The following MPPED1 variants were observed in gnomAD, a reference collection of about 807,000 sequenced individuals.
The protein encoded by MPPED1 is metallophosphoesterase domain containing 1, also known as metallophosphoesterase domain-containing protein 1.
A neutral mutation model predicts 36.2 loss-of-function variants in MPPED1; 16 were observed. The observed-to-expected ratio is 0.44, with a 90% CI of 0.30 to 0.67. MPPED1 has a LOEUF of 0.67. MPPED1 is among the 30% of genes least tolerant of loss of function. The probability of loss-of-function intolerance (pLI) is 0.10; values close to 1 mark genes in which losing one functional copy is unlikely to be tolerated. For missense variants in MPPED1, 307 were observed against 453.4 expected, an observed-to-expected ratio of 0.68 and a Z score of 2.93; for synonymous variants, 199 against 191.3, an observed-to-expected ratio of 1.04 and a Z score of -0.33.
At chr22:43,495,220 G>A (rs1436140521) in intron 4 of MPPED1, among the ~76,000 whole-genome samples, 1 of 147,786 alleles carries the variant, frequency 6.8e-6, no homozygotes, top group Non-Finnish European at 1.5e-5. Flanking sequence ...AAGTGGAGGT[G>A]GTGGTGGTGG....
intron 3 of MPPED1, among the ~76,000 whole-genome samples, chr22:43,471,382 T>C (rs933352245): frequency 2.0e-5 from 3 of 152,106 alleles, no homozygotes; most frequent in African/African-American, 7.2e-5. Flanking sequence ...AGGGGCTCGA[T>C]GAGGGGTCTG....
At chr22:43,504,034 T>C (rs1215717777) in intron 6 of MPPED1, among the ~76,000 whole-genome samples, 4 of 151,944 alleles carry the variant, frequency 2.6e-5, no homozygotes, top group Admixed American at 1.3e-4. Flanking sequence ...TACATGACAA[T>C]GATGATAATG....
At chr22:43,492,615 G>T (rs2146906826) in intron 4 of MPPED1, among the ~76,000 whole-genome samples, 1 of 152,298 alleles carries the variant, frequency 6.6e-6, no homozygotes, top group Middle Eastern at 3.4e-3. Flanking sequence ...CACAGGCCTG[G>T]GGGCAGATCC....
intron 6 of MPPED1, among the ~76,000 whole-genome samples, chr22:43,504,572 GTGA>G (rs760492961): frequency 1.1e-4 from 17 of 151,644 alleles, no homozygotes; most frequent in Admixed American, 5.9e-4. Flanking sequence ...GATGGCATTG[GTGA>G]TGATGATGTT....
At chr22:43,444,468 A>G (rs1362337237) in intron 3 of MPPED1, among the ~76,000 whole-genome samples, 2 of 150,042 alleles carry the variant, frequency 1.3e-5, no homozygotes, top group African/African-American at 4.9e-5. Flanking sequence ...CCGGGTTCAA[A>G]TGATTCTCCT....
At chr22:43,501,289 T>C (rs1932726493) in intron 5 of MPPED1, among the ~76,000 whole-genome samples, 1 of 152,178 alleles carries the variant, frequency 6.6e-6, no homozygotes, top group Non-Finnish European at 1.5e-5. Flanking sequence ...TCTTGTTCTC[T>C]TCCTTCTCTT....
At chr22:43,505,028 A>G (rs1932780979) in intron 6 of MPPED1, among the ~76,000 whole-genome samples, 1 of 151,948 alleles carries the variant, frequency 6.6e-6, no homozygotes, top group African/African-American at 2.4e-5. Context: ...AACAGTGAAG[A>G]TGATGATAAG....
At chr22:43,503,421 T>C (rs889933237) in intron 6 of MPPED1, among the ~76,000 whole-genome samples, 2 of 152,208 alleles carry the variant, frequency 1.3e-5, no homozygotes, top group African/African-American at 4.8e-5. Context: ...AGGAAGCATA[T>C]TGGCTGCTGT....
At chr22:43,412,423 G>C (rs1296277153) in intron 1 of MPPED1, among the ~76,000 whole-genome samples, 1 of 152,234 alleles carries the variant, frequency 6.6e-6, no homozygotes, top group East Asian at 1.9e-4. Flanking sequence ...CTTTTCCCTT[G>C]CTCGCCAGTC....
intron 1 of MPPED1, among the ~76,000 whole-genome samples, chr22:43,420,994 T>C (rs751297050): frequency 2.6e-5 from 4 of 152,186 alleles, no homozygotes; most frequent in Admixed American, 2.0e-4. Flanking sequence ...TAGTTCCATT[T>C]TGGGGAGGCA....
At chr22:43,498,000 CAG>C (rs1184849154) in intron 4 of MPPED1, among the ~76,000 whole-genome samples, 10 of 143,516 alleles carry the variant, frequency 7.0e-5, no homozygotes, top group African/African-American at 2.7e-4. Flanking sequence ...TACAGAAAAA[CAG>C]AAACTGCAGG....
chr22:43,494,555 G>A (rs1932195670), intron 4 of MPPED1, among the ~76,000 whole-genome samples: 1 of 151,914 alleles, frequency 6.6e-6, no homozygotes, highest in Admixed American at 6.6e-5. Flanking sequence ...CCAGTCATTG[G>A]AGGTAAGACC....
chr22:43,495,708 A>G (rs866624566), intron 4 of MPPED1, among the ~76,000 whole-genome samples: 1 of 7,268 alleles, frequency 1.4e-4, no homozygotes, highest in Non-Finnish European at 2.1e-4. Flanking sequence ...GTGGTGATGG[A>G]GGTGGTGGTG....
intron 5 of MPPED1, among the ~76,000 whole-genome samples, chr22:43,500,206 A>T (rs990715321): frequency 0.077 from 1,346 of 17,566 alleles, 10 homozygotes; most frequent in Middle Eastern, 0.12. Context: ...GTGGTAATGG[A>T]GGTGGTGGGG....
chr22:43,453,018 C>G (rs796649819), intron 3 of MPPED1, among the ~76,000 whole-genome samples: 1 of 150,614 alleles, frequency 6.6e-6, no homozygotes, highest in South Asian at 2.1e-4. Flanking sequence ...GGCTCAATCT[C>G]GGCTCACTGC....
chr22:43,500,134 TAATG>T (rs1363251506), intron 5 of MPPED1, among the ~76,000 whole-genome samples: 7 of 95,806 alleles, frequency 7.3e-5, no homozygotes, highest in African/African-American at 1.9e-4. Context: ...ATGGAGGTGG[TAATG>T]GAGGTGGTGG....
chr22:43,452,963 T>C (rs1930624979), intron 3 of MPPED1, among the ~76,000 whole-genome samples: 1 of 150,982 alleles, frequency 6.6e-6, no homozygotes, highest in South Asian at 2.1e-4. Flanking sequence ...AGTCTTACTT[T>C]TTTTTTTTTT....
rs1047906957 is a variant in MPPED1, at chr22:43,505,313, G to A, written c.863-185G>A. Among the ~76,000 whole-genome samples, 7 of 152,168 alleles carry A rather than the reference G, an allele frequency of 4.6e-5. No individual in the cohort carries two copies. In the South Asian group the frequency reaches 6.2e-4, roughly 14 times the overall value. On this transcript the variant is annotated intron_variant, in intron 6 of 6. Transcript: ENST00000443721. ...TTATCTCATATAATCCTCACAGCAG[G>A]CTTGGAAGTGGCATGTATCATTATC...
chr22:43,468,781 G>T (rs1931261653), intron 3 of MPPED1, among the ~76,000 whole-genome samples: 1 of 152,130 alleles, frequency 6.6e-6, no homozygotes, highest in Admixed American at 6.6e-5. Context: ...CAGGGCAGGG[G>T]GCTTTGTAGT....
Sources: gnomAD v4.1 joint callset for allele counts (sites outside exome capture counted in the v4.1 genomes callset) on GRCh38, gnomAD v4.1.1 for gene constraint, MANE v1.5 for transcripts, NCBI Gene and HGNC (gene_info 2026-07-23, HGNC 2026-07-21) for gene names.